The following SGPP2 variants were observed in gnomAD, a reference collection of about 807,000 sequenced individuals.
SGPP2 encodes sphingosine 1-phosphate phosphohydrolase 2.
A neutral mutation model predicts 33.9 loss-of-function variants in SGPP2; 30 were observed. That is an observed-to-expected ratio of 0.89 (90% CI 0.66 to 1.20). The LOEUF (loss-of-function observed/expected upper bound fraction) is 1.20, where lower values mean the gene tolerates loss of function less well. Among genes scored for constraint, SGPP2 ranks in the 50% most tolerant of loss-of-function variants. The pLI, the probability that SGPP2 is intolerant of heterozygous loss-of-function variation, is 0.00. For synonymous variants in SGPP2, 233 were observed against 225.0 expected, an observed-to-expected ratio of 1.04 and a Z score of -0.32; for missense variants, 458 against 532.1, an observed-to-expected ratio of 0.86 and a Z score of 1.37.
At position 222,558,892 on chromosome 2, in the gene SGPP2, A is replaced by G. The variant is rs115087227; in HGVS notation, c.1194A>G (p.Leu398=). 1,614 of 1,602,606 alleles carry G rather than the reference A, an allele frequency of 1.0e-3. 17 individuals carry two copies. The African/African-American group carries it at 0.019, about 19-fold the overall frequency. Residue 398 remains leucine (L), a synonymous_variant, in exon 5 of 5, where the codon TTA becomes TTG. Coordinates refer to ENST00000321276, the MANE Select transcript of SGPP2 (RefSeq NM_152386.4). ...FVPMLHRFLG[L]P is the part of the protein sequence containing the mutation. ...CGATGCTTCACAGGTTTCTGGGATTACCCTGAGTCTCAAACAGTTGGAAAC... is the reference window on the plus strand; with the variant it reads ...CGATGCTTCACAGGTTTCTGGGATTGCCCTGAGTCTCAAACAGTTGGAAAC...
In SGPP2 at chr2:222,525,033, G is replaced by C; in HGVS notation, c.648G>C (p.Leu216=). The C allele has an allele frequency of 6.2e-7, 1 of 1,613,390 alleles. No homozygotes were observed. The highest frequency in any genetic ancestry group is 1.1e-5 in the South Asian group (1 of 90,992). ...SRLYTGMHTV[L]DVLGGVLITA... is the part of the protein sequence containing the mutation. ...TCTACACTGGGATGCATACGGTCCT[G>C]GTAAGGCTTTGTGGTCAGGTCTTGT... Residue 216 remains leucine, a splice_region_variant and synonymous_variant, in exon 4 of 5, where the codon CTG becomes CTC. Coordinates refer to ENST00000321276, the MANE Select transcript of SGPP2 (RefSeq NM_152386.4).
At chr2:222,469,022 A>G (rs965243116) in intron 1 of SGPP2, among the ~76,000 whole-genome samples, 1 of 152,236 alleles carries the variant, frequency 6.6e-6, no homozygotes, top group African/African-American at 2.4e-5. Flanking sequence ...TTTCAGAAAA[A>G]TAAACTAATA....
intron 1 of SGPP2, among the ~76,000 whole-genome samples, chr2:222,468,551 T>C (rs1697786307): frequency 6.6e-6 from 1 of 152,220 alleles, no homozygotes; most frequent in Non-Finnish European, 1.5e-5. Context: ...CTTTGAAAGC[T>C]CAAAAGCTGG....
intron 1 of SGPP2, among the ~76,000 whole-genome samples, chr2:222,444,208 C>T (rs144786181): frequency 1.8e-4 from 28 of 152,272 alleles, no homozygotes; most frequent in African/African-American, 4.1e-4. Context: ...CTTTCTTATG[C>T]CACTTCATAA....
chr2:222,459,614 C>T (rs200821071), intron 1 of SGPP2, among the ~76,000 whole-genome samples: 3 of 151,434 alleles, frequency 2.0e-5, no homozygotes, highest in Non-Finnish European at 2.9e-5. Context: ...TGTGTGTGTG[C>T]GTGCATGGGT....
At chr2:222,446,455 CTTG>C (rs1419759515) in intron 1 of SGPP2, among the ~76,000 whole-genome samples, 1 of 152,190 alleles carries the variant, frequency 6.6e-6, no homozygotes, top group African/African-American at 2.4e-5. Flanking sequence ...CTGAGGGTTA[CTTG>C]TTGTTGCTAT....
intron 4 of SGPP2, among the ~76,000 whole-genome samples, chr2:222,535,567 G>A (rs901277085): frequency 1.3e-5 from 2 of 152,304 alleles, no homozygotes; most frequent in Non-Finnish European, 2.9e-5. Context: ...AGGCCCCTGC[G>A]TGGCAGAGAG....
chr2:222,505,155 T>C (rs1449134917), intron 2 of SGPP2, among the ~76,000 whole-genome samples: 2 of 152,218 alleles, frequency 1.3e-5, no homozygotes, highest in Non-Finnish European at 1.5e-5. Context: ...ACTGCTTGCT[T>C]ACAGGCACCC....
At chr2:222,466,777 T>C (rs1482734572) in intron 1 of SGPP2, among the ~76,000 whole-genome samples, 1 of 151,514 alleles carries the variant, frequency 6.6e-6, no homozygotes, top group Non-Finnish European at 1.5e-5. Flanking sequence ...CCAGTATTTA[T>C]GTAAACCTCT....
intron 1 of SGPP2, among the ~76,000 whole-genome samples, chr2:222,451,639 C>T (rs1360528216): frequency 2.0e-5 from 3 of 152,158 alleles, no homozygotes; most frequent in East Asian, 3.8e-4. Flanking sequence ...ACCACAGGCT[C>T]CCCGCAGCTT....
chr2:222,512,435 G>A lies in SGPP2; in HGVS notation c.379-9332G>A, dbSNP rs574029168. 1.1e-4 allele frequency among the ~76,000 whole-genome samples: 17 copies of A among 151,824 alleles called. No individual in the cohort carries two copies. In the South Asian group the frequency reaches 1.5e-3, roughly 13 times the overall value. ...ACCTCCCCCACTACCAAAATTCCCC[G>A]CCACAGTGATACATTTGGTACAATC... On this transcript the variant is annotated intron_variant, in intron 2 of 4. Transcript: ENST00000321276.
At chr2:222,491,450 G>C (rs1698195857) in intron 2 of SGPP2, among the ~76,000 whole-genome samples, 2 of 152,192 alleles carry the variant, frequency 1.3e-5, no homozygotes, top group Non-Finnish European at 2.9e-5. Flanking sequence ...TGGAGGAAGG[G>C]GAAGCAGGCA....
chr2:222,512,856 GTTTA>G (rs569967697), intron 2 of SGPP2, among the ~76,000 whole-genome samples: 2 of 152,120 alleles, frequency 1.3e-5, no homozygotes, highest in Non-Finnish European at 1.5e-5. Flanking sequence ...ATGAACCACA[GTTTA>G]TTTATTCATT....
chr2:222,512,473 T>C (rs1174619973), intron 2 of SGPP2, among the ~76,000 whole-genome samples: 1 of 152,188 alleles, frequency 6.6e-6, no homozygotes, highest in Non-Finnish European at 1.5e-5. Flanking sequence ...TGGCCCTACA[T>C]TGACATATCA....
chr2:222,494,056 A>C (rs1698238572), intron 2 of SGPP2, among the ~76,000 whole-genome samples: 1 of 152,088 alleles, frequency 6.6e-6, no homozygotes, highest in Non-Finnish European at 1.5e-5. Flanking sequence ...CCCTATTCCC[A>C]CCTTTCAAGG....
intron 2 of SGPP2, among the ~76,000 whole-genome samples, chr2:222,493,712 G>T (rs1698233491): frequency 6.6e-6 from 1 of 152,188 alleles, no homozygotes; most frequent in South Asian, 2.1e-4. Context: ...TGAAACTGAA[G>T]GTGAGACATT....
chr2:222,527,693 G>A (rs1425744751), intron 4 of SGPP2, among the ~76,000 whole-genome samples: 2 of 152,182 alleles, frequency 1.3e-5, no homozygotes, highest in Non-Finnish European at 2.9e-5. Context: ...CTTCTTTCAT[G>A]CTCATAATTT....
chr2:222,500,516 G>T (rs1286302498), intron 2 of SGPP2, among the ~76,000 whole-genome samples: 1 of 152,200 alleles, frequency 6.6e-6, no homozygotes. Context: ...CGGTCACCGT[G>T]TTGGCAGTTG....
intron 4 of SGPP2, among the ~76,000 whole-genome samples, chr2:222,547,525 A>G (rs1689222439): frequency 6.6e-6 from 1 of 152,232 alleles, no homozygotes; most frequent in African/African-American, 2.4e-5. Flanking sequence ...ATCATGCTTC[A>G]TATGAAATAA....
Sources: gnomAD v4.1 joint callset for allele counts (sites outside exome capture counted in the v4.1 genomes callset) on GRCh38, gnomAD v4.1.1 for gene constraint, MANE v1.5 for transcripts, NCBI Gene and HGNC (gene_info 2026-07-23, HGNC 2026-07-21) for gene names.